NRXN1: variants seen among roughly 807,000 people sequenced by gnomAD.
NRXN1 encodes neurexin-1.
NRXN1 carries 39 observed loss-of-function variants against 150.9 expected under a neutral mutation model. That is an observed-to-expected ratio of 0.26 (90% confidence interval 0.20 to 0.34). NRXN1 has a LOEUF of 0.34. Ranked by LOEUF, NRXN1 falls within the 10% of genes least tolerant of loss-of-function variation. The pLI is 1.00. For synonymous variants in NRXN1, 924 were observed against 757.0 expected, an observed-to-expected ratio of 1.22 and a Z score of -3.62; for missense variants, 1,815 against 1,949.9, an observed-to-expected ratio of 0.93 and a Z score of 1.30.
At chr2:50,359,856 A>G (rs1438455773) in intron 17 of NRXN1, among the ~76,000 whole-genome samples, 1 of 152,168 alleles carries the variant, frequency 6.6e-6, no homozygotes, top group Admixed American at 6.5e-5. Flanking sequence ...GCACGCAGAG[A>G]GAAAGGTTGG....
At chr2:50,121,748 T>C (rs914847168) in intron 18 of NRXN1, among the ~76,000 whole-genome samples, 2 of 152,160 alleles carry the variant, frequency 1.3e-5, no homozygotes, top group Admixed American at 1.3e-4. Flanking sequence ...TATTTTGTTA[T>C]TGGAAGAAAA....
At chr2:50,538,193 G>A in intron 10 of NRXN1, 60 bp downstream of exon 10, 2 of 1,554,118 alleles carry the variant, frequency 1.3e-6, no homozygotes, top group South Asian at 1.2e-5. Context: ...CAGGTTTGAG[G>A]TCAACATTTA....
At chr2:50,932,987 C>T (rs984637702) in intron 2 of NRXN1, among the ~76,000 whole-genome samples, 2 of 151,970 alleles carry the variant, frequency 1.3e-5, no homozygotes, top group Admixed American at 6.6e-5. Flanking sequence ...AAAAAAAAGG[C>T]TCCCAGTCCT....
intron 18 of NRXN1, among the ~76,000 whole-genome samples, chr2:50,197,486 G>C (rs1489631564): frequency 6.6e-6 from 1 of 152,090 alleles, no homozygotes; most frequent in African/African-American, 2.4e-5. Flanking sequence ...ATGTAATGAC[G>C]TTTTTGATGT....
At chr2:50,551,488 A>AGAGAGTT (rs1410036887) in intron 9 of NRXN1, 2 of 152,234 alleles carry the variant, frequency 1.3e-5, no homozygotes, top group Non-Finnish European at 2.9e-5. Context: ...GGTATGAGCA[A>AGAGAGTT]GAGAGTTCAG....
chr2:50,598,650 C>G (rs1344346610), intron 8 of NRXN1, among the ~76,000 whole-genome samples: 1 of 142,914 alleles, frequency 7.0e-6, no homozygotes, highest in Non-Finnish European at 1.5e-5. Context: ...GTGTGTGTAT[C>G]TATATACATA....
intron 17 of NRXN1, among the ~76,000 whole-genome samples, chr2:50,406,850 T>A (rs1520443): frequency 0.24 from 35,976 of 152,064 alleles, 4,576 homozygotes; most frequent in East Asian, 0.43. Context: ...AGGTCTAAAC[T>A]TCAAATGCAA....
At chr2:50,355,512 G>T (rs1425719335) in intron 17 of NRXN1, among the ~76,000 whole-genome samples, 2 of 151,880 alleles carry the variant, frequency 1.3e-5, no homozygotes, top group African/African-American at 2.4e-5. Context: ...CCAGGCTCCA[G>T]CCACATGAAT....
chr2:50,668,015 C>A (rs751032023), intron 5 of NRXN1, among the ~76,000 whole-genome samples: 2 of 152,000 alleles, frequency 1.3e-5, no homozygotes, highest in African/African-American at 2.4e-5. Context: ...ATGATGGTTT[C>A]TCTTGGGTTG....
intron 21 of NRXN1, among the ~76,000 whole-genome samples, chr2:50,033,491 A>G (rs775001264): frequency 6.6e-6 from 1 of 151,914 alleles, no homozygotes; most frequent in Non-Finnish European, 1.5e-5. Context: ...ACAGATTAAC[A>G]ACTTAAATGT....
intron 17 of NRXN1, among the ~76,000 whole-genome samples, chr2:50,251,979 A>G (rs1574748871): frequency 6.6e-6 from 1 of 152,068 alleles, no homozygotes; most frequent in East Asian, 1.9e-4. Flanking sequence ...CCTATTCTGC[A>G]GGTTGTCTGT....
chr2:50,701,078 A>G (rs546382598), intron 5 of NRXN1, among the ~76,000 whole-genome samples: 26 of 152,330 alleles, frequency 1.7e-4, no homozygotes, highest in African/African-American at 6.0e-4. Context: ...TTGAAATTAA[A>G]AAATAACTAC....
intron 17 of NRXN1, among the ~76,000 whole-genome samples, chr2:50,429,865 A>T (rs2084808468): frequency 6.6e-6 from 1 of 152,158 alleles, no homozygotes; most frequent in South Asian, 2.1e-4. Flanking sequence ...GGGCTATAGA[A>T]CTAAAAAGTG....
intron 5 of NRXN1, among the ~76,000 whole-genome samples, chr2:50,759,251 A>G (rs1467874314): frequency 6.6e-6 from 1 of 151,942 alleles, no homozygotes; most frequent in Non-Finnish European, 1.5e-5. Flanking sequence ...CTTTAAGATT[A>G]GAACTCATAA....
At chr2:50,849,609 T>TTC (rs146683422) in intron 5 of NRXN1, among the ~76,000 whole-genome samples, 6 of 152,018 alleles carry the variant, frequency 3.9e-5, no homozygotes, top group African/African-American at 1.2e-4. Context: ...CACAGTTCAG[T>TTC]TCTCTCTCTC....
intron 21 of NRXN1, chr2:49,945,155 A>C (rs1672670255): frequency 6.6e-6 from 1 of 152,162 alleles, no homozygotes; most frequent in African/African-American, 2.4e-5. Flanking sequence ...CTCTGCTCTT[A>C]CTTCTTCTGA....
At chr2:50,906,597 T>C (rs1485545176) in intron 5 of NRXN1, among the ~76,000 whole-genome samples, 1 of 152,128 alleles carries the variant, frequency 6.6e-6, no homozygotes, top group Admixed American at 6.6e-5. Context: ...CAGAATAATC[T>C]TTTGAAACAA....
At chr2:49,952,846 A>G (rs1252890470) in intron 21 of NRXN1, among the ~76,000 whole-genome samples, 5 of 152,136 alleles carry the variant, frequency 3.3e-5, no homozygotes, top group African/African-American at 9.6e-5. Context: ...TCACACAACT[A>G]TCATTAGAGT....
intron 17 of NRXN1, among the ~76,000 whole-genome samples, chr2:50,312,989 G>A (rs893657930): frequency 5.3e-5 from 8 of 151,956 alleles, no homozygotes; most frequent in Admixed American, 1.3e-4. Flanking sequence ...ATAGATGGCT[G>A]TAGACACTAA....
Sources: gnomAD v4.1 joint callset for allele counts (sites outside exome capture counted in the v4.1 genomes callset) on GRCh38, gnomAD v4.1.1 for gene constraint, MANE v1.5 for transcripts, NCBI Gene and HGNC (gene_info 2026-07-23, HGNC 2026-07-21) for gene names.